Variants in FER observed in about 807,000 individuals in gnomAD.
The protein encoded by FER is tyrosine-protein kinase Fer.
FER carries 63 observed loss-of-function variants against 111.0 expected under a neutral mutation model. The ratio of observed to expected loss-of-function variants is 0.57; its 90% CI spans 0.46 to 0.70. The LOEUF (loss-of-function observed/expected upper bound fraction) is 0.70, where lower values mean the gene tolerates loss of function less well. FER is among the 30% of genes least tolerant of loss of function. FER has a pLI of 0.00. For synonymous variants in FER, 327 were observed against 313.9 expected (o/e 1.04, Z -0.44); for missense variants, 914 against 954.0 (o/e 0.96, Z 0.55).
At chr5:108,867,473 T>A (rs1324499555) in intron 5 of FER, among the ~76,000 whole-genome samples, 1 of 152,170 alleles carries the variant, frequency 6.6e-6, no homozygotes, top group Non-Finnish European at 1.5e-5. Context: ...CAATTTGGTA[T>A]AAGCTTCTTG....
chr5:109,185,791 G>T (rs2126882136), intron 18 of FER, among the ~76,000 whole-genome samples: 1 of 152,282 alleles, frequency 6.6e-6, no homozygotes, highest in African/African-American at 2.4e-5. Context: ...ATACAGTCAT[G>T]TATCGCTTAA....
At chr5:109,125,735 G>A (rs566259360) in intron 17 of FER, among the ~76,000 whole-genome samples, 5 of 152,202 alleles carry the variant, frequency 3.3e-5, no homozygotes, top group African/African-American at 1.2e-4. Context: ...TCTTCATATA[G>A]TCCTTCTAAA....
chr5:108,999,031 A>G (rs1764369475), intron 13 of FER, among the ~76,000 whole-genome samples: 1 of 149,076 alleles, frequency 6.7e-6, no homozygotes, highest in African/African-American at 2.6e-5. Flanking sequence ...CCATATATGA[A>G]CTAACTTTTA....
At chr5:108,919,344 T>C (rs867582251) in intron 10 of FER, among the ~76,000 whole-genome samples, 1 of 151,906 alleles carries the variant, frequency 6.6e-6, no homozygotes, top group African/African-American at 2.4e-5. Context: ...GAGTAAAGAG[T>C]ACAGAAAATT....
chr5:108,845,000 A>G (rs55892308), intron 5 of FER, among the ~76,000 whole-genome samples: 144 of 13,254 alleles, frequency 0.011, 2 homozygotes, highest in African/African-American at 0.031. Flanking sequence ...GTGTGTGTAT[A>G]TATATATATA....
chr5:109,171,450 G>T (rs572965665), intron 17 of FER, among the ~76,000 whole-genome samples: 2 of 152,288 alleles, frequency 1.3e-5, no homozygotes, highest in African/African-American at 4.8e-5. Flanking sequence ...TATGCATGAA[G>T]TTGAGTATTG....
At position 108,877,874 on chromosome 5, in the gene FER, A is replaced by G. The variant is rs1157708852; in HGVS notation, c.924-5522A>G. Among the ~76,000 whole-genome samples the G allele has an allele frequency of 2.0e-5, 3 of 152,080 alleles. No individual in the cohort carries two copies. The South Asian group carries it at 6.2e-4, about 31-fold the overall frequency. On this transcript the variant is annotated intron_variant, in intron 8 of 19. Transcript: ENST00000281092. ...GAAAAGTGTTGGATAAGTATTGGAA[A>G]CTTTTTATTATCCATAGTAAAGGTT...
At chr5:108,791,982 A>AAGTGATT in intron 2 of FER, among the ~76,000 whole-genome samples, 1 of 152,196 alleles carries the variant, frequency 6.6e-6, no homozygotes, top group Non-Finnish European at 1.5e-5. Context: ...GTAGAAAATC[A>AAGTGATT]CTTTACCATA....
intron 10 of FER, among the ~76,000 whole-genome samples, chr5:108,937,503 A>G (rs1012660211): frequency 5.9e-5 from 9 of 152,040 alleles, no homozygotes; most frequent in African/African-American, 1.2e-4. Flanking sequence ...GACATAAAAG[A>G]GATTACCTAG....
intron 6 of FER, among the ~76,000 whole-genome samples, chr5:108,869,880 G>C (rs1227853299): frequency 2.0e-5 from 3 of 151,878 alleles, no homozygotes; most frequent in Non-Finnish European, 4.4e-5. Context: ...TAAATTTTAG[G>C]TGATCCTCCA....
chr5:108,938,763 G>A (rs1413281513), intron 10 of FER, among the ~76,000 whole-genome samples: 1 of 152,006 alleles, frequency 6.6e-6, no homozygotes, highest in South Asian at 2.1e-4. Flanking sequence ...GCAAACTGAT[G>A]GGATAGGAGA....
chr5:108,841,599 CTGT>C (rs1447586058), intron 5 of FER, among the ~76,000 whole-genome samples: 2 of 152,110 alleles, frequency 1.3e-5, no homozygotes, highest in Non-Finnish European at 2.9e-5. Context: ...ATCATCAATG[CTGT>C]TGTTGTTCAT....
chr5:109,040,626 C>T (rs576649566), intron 14 of FER, among the ~76,000 whole-genome samples: 70 of 152,116 alleles, frequency 4.6e-4, no homozygotes, highest in African/African-American at 1.6e-3. Flanking sequence ...AGAGAATTAG[C>T]GATAGCAAAG....
chr5:108,843,996 T>G (rs565360699), intron 5 of FER, among the ~76,000 whole-genome samples: 1 of 124,792 alleles, frequency 8.0e-6, no homozygotes, highest in Admixed American at 7.8e-5. Context: ...TTTCGCCTCT[T>G]TCTATGTATA....
At chr5:108,930,343 TCCCCGCC>T (rs1754382978) in intron 10 of FER, among the ~76,000 whole-genome samples, 1 of 52,790 alleles carries the variant, frequency 1.9e-5, no homozygotes, top group African/African-American at 9.4e-5. Flanking sequence ...TCCCCTCCCC[TCCCCGCC>T]TCCCCTCTCC....
At chr5:108,951,822 G>A (rs773072874) in intron 11 of FER, among the ~76,000 whole-genome samples, 3 of 151,996 alleles carry the variant, frequency 2.0e-5, no homozygotes, top group Non-Finnish European at 2.9e-5. Flanking sequence ...CCAAAAAGAA[G>A]CTCATCTTGC....
chr5:108,900,592 T>G (rs918370401), intron 10 of FER, among the ~76,000 whole-genome samples: 2 of 152,184 alleles, frequency 1.3e-5, no homozygotes, highest in Non-Finnish European at 1.5e-5. Context: ...CATGGAAAAT[T>G]GTGAAAATTT....
At chr5:109,016,144 A>G (rs1393086312) in intron 13 of FER, among the ~76,000 whole-genome samples, 2 of 152,184 alleles carry the variant, frequency 1.3e-5, no homozygotes, top group African/African-American at 2.4e-5. Flanking sequence ...ATCAGAGACT[A>G]TAATTACATG....
At chr5:109,040,733 T>G (rs1178029857) in intron 14 of FER, among the ~76,000 whole-genome samples, 3 of 152,164 alleles carry the variant, frequency 2.0e-5, no homozygotes, top group African/African-American at 7.2e-5. Flanking sequence ...ACTGTTTAAC[T>G]TGAGAAAAAT....
Sources: gnomAD v4.1 joint callset for allele counts (sites outside exome capture counted in the v4.1 genomes callset) on GRCh38, gnomAD v4.1.1 for gene constraint, MANE v1.5 for transcripts, NCBI Gene and HGNC (gene_info 2026-07-23, HGNC 2026-07-21) for gene names.